Variants in GATA1 observed in about 807,000 individuals in gnomAD.
GATA1 encodes the protein GATA binding protein 1.
In GATA1, 2 loss-of-function variants were observed where a neutral mutation model predicts 18.9. The observed-to-expected ratio is 0.11, with a 90% CI of 0.04 to 0.33. GATA1 has a LOEUF of 0.33. Among genes scored for constraint, GATA1 ranks in the 10% least tolerant of loss-of-function variants. The pLI, the probability that GATA1 is intolerant of heterozygous loss-of-function variation, is 1.00. For synonymous variants in GATA1, 152 were observed against 149.1 expected, an observed-to-expected ratio of 1.02 and a Z score of -0.14; for missense variants, 272 against 344.7, an observed-to-expected ratio of 0.79 and a Z score of 1.67.
chrX:48,791,558 G>A (rs2062675215), intron 2 of GATA1, among the ~76,000 whole-genome samples: 1 of 111,878 alleles, frequency 8.9e-6, no homozygotes, highest in Non-Finnish European at 1.9e-5. Context: ...CTGGAAGTAT[G>A]TGGTGGTTGC....
At chrX:48,790,919 GA>G (rs782744605) in intron 1 of GATA1, among the ~76,000 whole-genome samples, 171 bp from the exon 2 acceptor site, 36 of 86,493 alleles carry the variant, frequency 4.2e-4, no homozygotes, top group African/African-American at 1.5e-3. Flanking sequence ...AGAAGGAGGG[GA>G]AGGAGAGGGG....
chrX:48,789,233 G>A (rs1480313653), intron 1 of GATA1, among the ~76,000 whole-genome samples: 4 of 109,661 alleles, frequency 3.6e-5, no homozygotes, highest in African/African-American at 1.3e-4. Context: ...CTTGAACCTG[G>A]GAGGCTGGGG....
At chrX:48,792,584 T>C in intron 4 of GATA1, 116 bp downstream of exon 4, 1 of 966,668 alleles carries the variant, frequency 1.0e-6, no homozygotes, top group Non-Finnish European at 1.5e-6. Flanking sequence ...AGGAAGCTAC[T>C]GCAGGCCACC....
At chrX:48,793,444 CTCT>C in intron 5 of GATA1, 147 bp downstream of exon 5, 1 of 475,506 alleles carries the variant, frequency 2.1e-6, no homozygotes. Flanking sequence ...CTTCCCCCAT[CTCT>C]TCTACTTTCC....
chrX:48,788,442 C>G (rs1483860079), intron 1 of GATA1, among the ~76,000 whole-genome samples: 1 of 110,954 alleles, frequency 9.0e-6, no homozygotes, highest in African/African-American at 3.3e-5. Context: ...GAGGCAGAGA[C>G]TAACACAGAA....
intron 1 of GATA1, among the ~76,000 whole-genome samples, chrX:48,788,836 C>A (rs1181265095): frequency 1.8e-5 from 2 of 109,921 alleles, no homozygotes; most frequent in East Asian, 5.7e-4. Context: ...GGTCAGAGGG[C>A]CCAAAGAGAG....
chrX:48,786,746 A>G (rs1367028715), intron 1 of GATA1, 101 bp downstream of exon 1: 1 of 110,305 alleles, frequency 9.1e-6, no homozygotes, highest in Admixed American at 9.6e-5. Context: ...GCTGGTCCCC[A>G]AAGTGTCAGC....
At chrX:48,792,817 G>A (rs782347403) in intron 4 of GATA1, among the ~76,000 whole-genome samples, 9 of 111,420 alleles carry the variant, frequency 8.1e-5, no homozygotes, top group East Asian at 2.8e-4. Flanking sequence ...CAGTGTTTTC[G>A]TCCTTGGCTT....
chrX:48,787,377 T>C (rs1441350617), intron 1 of GATA1, among the ~76,000 whole-genome samples: 3 of 110,503 alleles, frequency 2.7e-5, no homozygotes, highest in African/African-American at 9.9e-5. Context: ...CATCTCATTG[T>C]CTCCCTGAAT....
chrX:48,790,055 G>A (rs969779034), intron 1 of GATA1, among the ~76,000 whole-genome samples: 1 of 108,883 alleles, frequency 9.2e-6, no homozygotes, highest in African/African-American at 3.4e-5. Flanking sequence ...GAGGAGATGG[G>A]GAAAGGGAGA....
At position 48,791,946 on chromosome X, in the gene GATA1, C is replaced by A. The variant is rs1557020184; in HGVS notation, c.323C>A (p.Thr108Asn). ...AAGACGGGGCTCTACCCTGCCTCAA[C>A]TGTGTGTCCCACCCGCGAGGACTCT... ...YGKTGLYPAS[T>N]VCPTREDSPP... The change falls in exon 3 of 6, where the codon ACT becomes AAT. Residue 108 changes from threonine to asparagine, a missense_variant. Thr to Asn is a moderately conservative substitution (Grantham distance 65). Around this residue, in one of 3 missense-constraint regions of GATA1, gnomAD observed 147 missense variants for 157.4 expected, o/e 0.93. Transcript: ENST00000376670. 1 of 1,212,045 alleles carries A rather than the reference C, an allele frequency of 8.3e-7. No individual in the cohort carries two copies. The highest frequency in any genetic ancestry group is 1.8e-5 in the South Asian group (1 of 57,021).
intron 1 of GATA1, 134 bp from the exon 2 acceptor site, chrX:48,790,957 T>C: frequency 2.6e-6 from 1 of 378,250 alleles, no homozygotes. Context: ...GAGGGGGGAA[T>C]GGGGAGGTGG....
At position 48,791,958 on chromosome X, in the gene GATA1, C is replaced by A. The variant is rs1193519227; in HGVS notation, c.335C>A (p.Thr112Asn). 2 of 1,211,725 alleles carry A rather than the reference C, an allele frequency of 1.7e-6. No homozygotes were observed. The highest frequency in any genetic ancestry group is 2.2e-6 in the Non-Finnish European group (2 of 895,458). Reference sequence around the variant, plus strand: ...TACCCTGCCTCAACTGTGTGTCCCACCCGCGAGGACTCTCCTCCCCAGGCC... The same window carrying A: ...TACCCTGCCTCAACTGTGTGTCCCAACCGCGAGGACTCTCCTCCCCAGGCC... ...GLYPASTVCP[T>N]REDSPPQAVE... The change falls in exon 3 of 6, where the codon ACC (threonine) becomes AAC (asparagine). Residue 112 changes from threonine (T) to asparagine (N), a missense_variant. Around this residue, in one of 3 missense-constraint regions of GATA1, gnomAD observed 147 missense variants for 157.4 expected, o/e 0.93. Transcript: ENST00000376670.
intron 1 of GATA1, among the ~76,000 whole-genome samples, chrX:48,786,960 T>A (rs1389066655): frequency 9.0e-6 from 1 of 110,773 alleles, no homozygotes; most frequent in Non-Finnish European, 1.9e-5. Context: ...TCCCAAAACA[T>A]GACTTTATCT....
Position 48,791,073 on chromosome X carries a change from C to T in GATA1, c.-19-18C>T. 9.1e-7 allele frequency: 1 copy of T among 1,095,642 alleles called. No homozygotes were observed. The highest frequency in any genetic ancestry group is 1.3e-6 in the Non-Finnish European group (1 of 797,262). 90.3% of individuals were successfully genotyped at this position (1,095,642 alleles called of 1,213,427 possible). On this transcript the variant is annotated intron_variant, in intron 1 of 5. Coordinates refer to ENST00000376670, the MANE Select transcript of GATA1 (RefSeq NM_002049.4). ...GGGGAAGGATTTCTGTGTCTGAGGA[C>T]CCCTTCTGTCCTCGCAGGTTAATCC...
In GATA1 at chrX:48,793,946, G is replaced by A. The variant is rs1340713003; in HGVS notation, c.1024G>A (p.Gly342Ser). 2.5e-5 allele frequency: 30 copies of A among 1,202,252 alleles called. No individual in the cohort carries two copies. Among genetic ancestry groups the A allele is most frequent in the Non-Finnish European group, 2.9e-5 (26 of 890,725 alleles). ...GGFMVVAGGS[G>S]SGNCGEVASG... ...CTTTATGGTGGTGGCTGGGGGCAGC[G>A]GTAGCGGGAATTGTGGGGAGGTGGC... is the stretch of plus-strand genomic sequence containing the variant. Residue 342 changes from glycine to serine, a missense_variant, in exon 6 of 6, where the codon GGT becomes AGT. Gly to Ser is a moderately conservative substitution (Grantham distance 56). Transcript: ENST00000376670.
chrX:48,789,035 A>G (rs2062665842), intron 1 of GATA1, among the ~76,000 whole-genome samples: 1 of 112,720 alleles, frequency 8.9e-6, no homozygotes, highest in Admixed American at 9.3e-5. Context: ...GGTCGGGCGC[A>G]GTGGCTCACG....
Position 48,793,185 on chromosome X carries a change from G to A in GATA1, c.758G>A (p.Arg253Gln), listed in dbSNP as rs781928506. Residue 253 changes from arginine (R) to glutamine (Q), a missense_variant, in exon 5 of 6, where the codon CGG becomes CAG. Physicochemically the swap from Arg to Gln is conservative, Grantham distance 43. Around this residue, in one of 3 missense-constraint regions of GATA1, gnomAD observed 42 missense variants for 103.2 expected, o/e 0.41. Transcript: ENST00000376670. ...RPKKRLIVSK[R>Q]AGTQCTNCQT... ...GTCGTCCCCTAGATTGTCAGTAAACGGGCAGGTACTCAGTGCACCAACTGC... is the reference window on the plus strand; with the variant it reads ...GTCGTCCCCTAGATTGTCAGTAAACAGGCAGGTACTCAGTGCACCAACTGC... The A allele has an allele frequency of 8.3e-7, 1 of 1,209,420 alleles. No individual in the cohort carries two copies. Among genetic ancestry groups the A allele is most frequent in the Non-Finnish European group, 1.1e-6 (1 of 894,502 alleles).
chrX:48,787,922 C>T (rs1210990184), intron 1 of GATA1, among the ~76,000 whole-genome samples: 4 of 111,767 alleles, frequency 3.6e-5, no homozygotes, highest in Admixed American at 1.9e-4. Context: ...GTGCCAGCTG[C>T]TGCCTGCTGC....
Sources: gnomAD v4.1 joint callset for allele counts (sites outside exome capture counted in the v4.1 genomes callset) on GRCh38, gnomAD v4.1.1 for gene constraint, gnomAD v4.1.1 regional missense constraint, MANE v1.5 for transcripts, NCBI Gene and HGNC (gene_info 2026-07-23, HGNC 2026-07-21) for gene names.